Variants in USP12 observed in about 807,000 individuals in gnomAD.
USP12 encodes ubiquitin carboxyl-terminal hydrolase 12.
USP12 carries 19 observed loss-of-function variants against 45.5 expected under a neutral mutation model. That is an observed-to-expected ratio of 0.42 (90% CI 0.29 to 0.61). USP12 has a LOEUF of 0.61. USP12 is among the 20% of genes least tolerant of loss of function. USP12 has a pLI of 0.22. For synonymous variants in USP12, 149 were observed against 148.8 expected, an observed-to-expected ratio of 1.00 and a Z score of -0.01; for missense variants, 242 against 447.7, an observed-to-expected ratio of 0.54 and a Z score of 4.15.
At chr13:27,156,427 T>C (rs954877442) in intron 1 of USP12, among the ~76,000 whole-genome samples, 4 of 152,170 alleles carry the variant, frequency 2.6e-5, no homozygotes, top group African/African-American at 4.8e-5. Flanking sequence ...TTAAGAGATA[T>C]AGTGACGAAA....
At chr13:27,079,734 C>G (rs1004251011) in intron 6 of USP12, among the ~76,000 whole-genome samples, 6 of 152,184 alleles carry the variant, frequency 3.9e-5, no homozygotes, top group Admixed American at 1.3e-4. Context: ...CCAGAGGACA[C>G]TATTTGCAAG....
intron 1 of USP12, among the ~76,000 whole-genome samples, chr13:27,124,111 T>C (rs1196073264): frequency 1.3e-5 from 2 of 152,240 alleles, no homozygotes; most frequent in Non-Finnish European, 2.9e-5. Flanking sequence ...AATTTTTACA[T>C]AGTCAATCAT....
chr13:27,089,530 T>G (rs1874217539), intron 6 of USP12: 4 of 178,322 alleles, frequency 2.2e-5, no homozygotes, highest in Admixed American at 1.7e-4. Context: ...AAGCAGAAAC[T>G]GGGGGTGTGG....
At chr13:27,140,663 C>A (rs1307336240) in intron 1 of USP12, among the ~76,000 whole-genome samples, 2 of 152,192 alleles carry the variant, frequency 1.3e-5, no homozygotes, top group Non-Finnish European at 2.9e-5. Context: ...GTCAGCACTT[C>A]AAATCCTAAA....
chr13:27,154,471 C>T (rs1009086875), intron 1 of USP12, among the ~76,000 whole-genome samples: 1 of 152,292 alleles, frequency 6.6e-6, no homozygotes, highest in African/African-American at 2.4e-5. Context: ...AGTAAAAATT[C>T]TCCTTCCGTT....
At chr13:27,143,223 A>G (rs1433213095) in intron 1 of USP12, among the ~76,000 whole-genome samples, 5 of 152,252 alleles carry the variant, frequency 3.3e-5, no homozygotes, top group Admixed American at 3.3e-4. Flanking sequence ...TTATCAAACA[A>G]CTAAACACTG....
intron 1 of USP12, among the ~76,000 whole-genome samples, chr13:27,131,382 A>G (rs932673081): frequency 1.3e-5 from 2 of 152,188 alleles, no homozygotes; most frequent in African/African-American, 4.8e-5. Context: ...TACTCTGCCT[A>G]CCTCGGGGTT....
At chr13:27,133,647 AT>A (rs1203981853) in intron 1 of USP12, among the ~76,000 whole-genome samples, 10 of 143,490 alleles carry the variant, frequency 7.0e-5, no homozygotes, top group African/African-American at 2.1e-4. Flanking sequence ...AAAAAAAAAA[AT>A]TCTACAATAA....
At chr13:27,169,980 G>A (rs1878513665) in intron 1 of USP12, 1 of 213,216 alleles carries the variant, frequency 4.7e-6, no homozygotes, top group Non-Finnish European at 9.2e-6. Context: ...TACAATGTGT[G>A]TAGCTCAGCC....
intron 1 of USP12, among the ~76,000 whole-genome samples, chr13:27,144,962 A>G (rs925719461): frequency 6.6e-6 from 1 of 151,864 alleles, no homozygotes; most frequent in Non-Finnish European, 1.5e-5. Context: ...AGCTACTCAG[A>G]AGGCAGAGGT....
At chr13:27,141,707 G>C (rs1877067773) in intron 1 of USP12, among the ~76,000 whole-genome samples, 1 of 152,140 alleles carries the variant, frequency 6.6e-6, no homozygotes, top group South Asian at 2.1e-4. Context: ...TATTTTTCTT[G>C]CAGTAGAATG....
intron 4 of USP12, among the ~76,000 whole-genome samples, chr13:27,094,333 G>A (rs961171115): frequency 2.0e-5 from 3 of 151,930 alleles, no homozygotes; most frequent in Non-Finnish European, 4.4e-5. Context: ...GCAAGACTCT[G>A]TCTCAAAAAA....
At chr13:27,080,456 T>G (rs1873698116) in intron 6 of USP12, among the ~76,000 whole-genome samples, 2 of 152,222 alleles carry the variant, frequency 1.3e-5, no homozygotes, top group South Asian at 4.1e-4. Context: ...AGAGATGGAC[T>G]GTGGCCATGA....
At chr13:27,077,944 C>T (rs1873569204) in intron 6 of USP12, 1 of 151,766 alleles carries the variant, frequency 6.6e-6, no homozygotes, top group Non-Finnish European at 1.5e-5. Context: ...ATGTTTTCTA[C>T]AAAAGACAAA....
chr13:27,154,858 G>A lies in USP12; in HGVS notation c.48+16734C>T, dbSNP rs555093304. ...GAAAGAGGGAAGCAGGACAGTCGCC[G>A]TCCGAGGGAGGTAATGAAAGAAAGA... On this transcript the variant is annotated intron_variant, in intron 1 of 8. Transcript: ENST00000282344. Among the ~76,000 whole-genome samples, 9 of 152,106 alleles carry A rather than the reference G, an allele frequency of 5.9e-5. No individual in the cohort carries two copies. The South Asian group carries it at 1.0e-3, about 18-fold the overall frequency.
chr13:27,069,835 T>C (rs545466999), intron 8 of USP12, among the ~76,000 whole-genome samples: 10 of 152,280 alleles, frequency 6.6e-5, no homozygotes, highest in African/African-American at 2.2e-4. Flanking sequence ...TAATCCCAGC[T>C]ACTCGGGAGG....
At position 27,068,307 on chromosome 13, in the gene USP12, GTTT is replaced by G. The variant is rs1281243694; in HGVS notation, c.*973_*975del. On this transcript the variant is annotated 3_prime_UTR_variant, in exon 9 of 9. Coordinates refer to ENST00000282344, the MANE Select transcript of USP12 (RefSeq NM_182488.4). ...AACAACTACAGGAATTTTTAAAATA[GTTT>G]TTTAATTTTATGAAATTAAAGCTGA... 1 of 152,280 alleles carries G rather than the reference GTTT, an allele frequency of 6.6e-6. No individual in the cohort carries two copies. Among genetic ancestry groups the G allele is most frequent in the Non-Finnish European group, 1.5e-5 (1 of 68,010 alleles). 9.4% of individuals were successfully genotyped at this position (152,280 alleles called of 1,614,324 possible). A position where few individuals can be genotyped will look rare whatever the true frequency, so the allele number is the denominator to read the frequency against.
At chr13:27,085,071 T>C (rs900695959) in intron 6 of USP12, among the ~76,000 whole-genome samples, 1 of 152,220 alleles carries the variant, frequency 6.6e-6, no homozygotes, top group Non-Finnish European at 1.5e-5. Context: ...TAACATCTTA[T>C]AATTTTCAAT....
chr13:27,097,004 A>G (rs1874610429), intron 3 of USP12, among the ~76,000 whole-genome samples: 1 of 152,166 alleles, frequency 6.6e-6, no homozygotes, highest in Admixed American at 6.5e-5. Context: ...AAGTTTTAAA[A>G]AAAGTGAAAC....
Sources: allele counts gnomAD v4.1 joint callset (sites outside exome capture counted in the v4.1 genomes callset), GRCh38; gene constraint gnomAD v4.1.1; transcripts MANE v1.5; gene names NCBI Gene and HGNC (gene_info 2026-07-23, HGNC 2026-07-21).